Variants in CSMD3 observed in about 807,000 individuals in gnomAD.
CSMD3 encodes the protein CUB and sushi domain-containing protein 3.
In CSMD3, 177 loss-of-function variants were observed where a neutral mutation model predicts 435.2. That is an observed-to-expected ratio of 0.41 (90% CI 0.36 to 0.46). The LOEUF (loss-of-function observed/expected upper bound fraction) is 0.46, where lower values mean the gene tolerates loss of function less well. CSMD3 is among the 20% of genes least tolerant of loss of function. The pLI, the probability that CSMD3 is intolerant of heterozygous loss-of-function variation, is 0.34. For synonymous variants in CSMD3, 1,656 were observed against 1,520.5 expected, an observed-to-expected ratio of 1.09 and a Z score of -2.07; for missense variants, 4,265 against 4,504.6, an observed-to-expected ratio of 0.95 and a Z score of 1.52.
intron 3 of CSMD3, among the ~76,000 whole-genome samples, chr8:113,263,852 T>C (rs913452323): frequency 6.6e-6 from 1 of 151,860 alleles, no homozygotes; most frequent in Non-Finnish European, 1.5e-5. Flanking sequence ...TTAAAGCTGA[T>C]AGTTATTATT....
At chr8:113,108,400 C>T (rs1457863615) in intron 4 of CSMD3, among the ~76,000 whole-genome samples, 1 of 149,998 alleles carries the variant, frequency 6.7e-6, no homozygotes. Context: ...TGCATGCCAG[C>T]CTAGTGAGAG....
At chr8:113,305,539 G>A (rs919927261) in intron 2 of CSMD3, among the ~76,000 whole-genome samples, 1 of 152,078 alleles carries the variant, frequency 6.6e-6, no homozygotes, top group Non-Finnish European at 1.5e-5. Context: ...CTTGCTTATT[G>A]TCATCTTTTG....
intron 38 of CSMD3, among the ~76,000 whole-genome samples, chr8:112,379,207 C>T (rs200720559): frequency 1.1e-4 from 17 of 152,280 alleles, no homozygotes; most frequent in East Asian, 5.8e-4. Flanking sequence ...TGGTGGCTCA[C>T]GCCTGTAATC....
intron 4 of CSMD3, among the ~76,000 whole-genome samples, chr8:113,153,981 A>G (rs760060957): frequency 6.6e-6 from 1 of 152,066 alleles, no homozygotes; most frequent in African/African-American, 2.4e-5. Context: ...TCTGAAATAG[A>G]TATCAATTTC....
At chr8:113,270,635 C>T (rs2093515672) in intron 3 of CSMD3, among the ~76,000 whole-genome samples, 1 of 152,206 alleles carries the variant, frequency 6.6e-6, no homozygotes, top group Admixed American at 6.5e-5. Flanking sequence ...CCATGGAATA[C>T]TATGCAGCCA....
chr8:113,202,572 T>C (rs765933301), intron 3 of CSMD3, among the ~76,000 whole-genome samples: 1 of 152,156 alleles, frequency 6.6e-6, no homozygotes, highest in Non-Finnish European at 1.5e-5. Flanking sequence ...CTTTCTTTGA[T>C]ATTTCCTTTT....
intron 3 of CSMD3, among the ~76,000 whole-genome samples, chr8:113,216,261 G>T (rs1043389883): frequency 6.6e-6 from 1 of 151,794 alleles, no homozygotes; most frequent in Non-Finnish European, 1.5e-5. Context: ...ATCTTGATTA[G>T]TGATAAAAAG....
chr8:112,459,285 GT>G (rs571973562), intron 32 of CSMD3, among the ~76,000 whole-genome samples: 3 of 148,910 alleles, frequency 2.0e-5, no homozygotes, highest in Non-Finnish European at 3.0e-5. Context: ...TATACTTTGG[GT>G]TTTTTTTCCT....
rs142230364 is a variant in CSMD3 at position 112,764,612 on chromosome 8, T to C, written c.1972+35550A>G. On this transcript the variant is annotated intron_variant, in intron 13 of 70. Coordinates refer to ENST00000297405, the MANE Select transcript of CSMD3 (RefSeq NM_198123.2). Reference sequence around the variant, plus strand: ...TCTCTTAAAAGTAATGGCTAAGCAGTTACAATGAAATGGTTTATGAAGAGT... The same window carrying C: ...TCTCTTAAAAGTAATGGCTAAGCAGCTACAATGAAATGGTTTATGAAGAGT... Among the ~76,000 whole-genome samples the C allele has an allele frequency of 3.6e-3, 550 of 151,712 alleles. 4 individuals carry two copies. The highest frequency in any genetic ancestry group is 0.012 in the African/African-American group (482 of 41,500).
chr8:112,345,969 T>C (rs961667406), intron 41 of CSMD3, 128 bp downstream of exon 41: 12 of 730,192 alleles, frequency 1.6e-5, no homozygotes, highest in Non-Finnish European at 2.5e-5. Flanking sequence ...ATTTACATAG[T>C]TGTATGTATT....
chr8:112,705,242 C>A (rs911070163), intron 13 of CSMD3, among the ~76,000 whole-genome samples: 3 of 151,938 alleles, frequency 2.0e-5, no homozygotes, highest in African/African-American at 4.8e-5. Context: ...AGAAAGATAT[C>A]CTAGGAAGAA....
intron 9 of CSMD3, among the ~76,000 whole-genome samples, chr8:112,929,730 A>C (rs969871591): frequency 8.6e-5 from 13 of 152,006 alleles, no homozygotes; most frequent in African/African-American, 3.1e-4. Flanking sequence ...AAAAGGCAAT[A>C]AAATAAAGTG....
chr8:112,643,095 G>C lies in CSMD3; in HGVS notation c.3310+2014C>G, dbSNP rs192663252. Reference sequence around the variant, plus strand: ...ATCATGATCTAGGGATAGAGGACATGAAAAACATGGTAGTCTCAGAATGGT... The same window carrying C: ...ATCATGATCTAGGGATAGAGGACATCAAAAACATGGTAGTCTCAGAATGGT... On this transcript the variant is annotated intron_variant, in intron 20 of 70. Coordinates refer to ENST00000297405, the MANE Select transcript of CSMD3 (RefSeq NM_198123.2). 2.0e-3 allele frequency among the ~76,000 whole-genome samples: 305 copies of C among 152,014 alleles called. 3 individuals are homozygous for C. In the Middle Eastern group the frequency reaches 0.027, roughly 14 times the overall value.
At chr8:112,394,445 C>G (rs896256846) in intron 35 of CSMD3, among the ~76,000 whole-genome samples, 30 of 152,142 alleles carry the variant, frequency 2.0e-4, no homozygotes, top group African/African-American at 7.0e-4. Flanking sequence ...TATTCCCATA[C>G]TAGTTAGGAA....
chr8:112,456,918 A>G (rs1816894011), intron 32 of CSMD3, among the ~76,000 whole-genome samples: 1 of 152,158 alleles, frequency 6.6e-6, no homozygotes, highest in Non-Finnish European at 1.5e-5. Context: ...AAATACAAAC[A>G]TTAACTTATC....
chr8:112,331,340 T>C (rs1346059344), intron 45 of CSMD3, among the ~76,000 whole-genome samples: 1 of 152,160 alleles, frequency 6.6e-6, no homozygotes, highest in East Asian at 1.9e-4. Flanking sequence ...CACAAAGAGA[T>C]ACAAAAACAT....
intron 6 of CSMD3, among the ~76,000 whole-genome samples, chr8:113,002,170 C>T (rs1486231900): frequency 6.6e-6 from 1 of 152,048 alleles, no homozygotes; most frequent in Non-Finnish European, 1.5e-5. Context: ...CAAATTTCCT[C>T]GTCTAGAATT....
intron 23 of CSMD3, among the ~76,000 whole-genome samples, chr8:112,583,139 G>A (rs377216099): frequency 2.6e-5 from 4 of 152,070 alleles, no homozygotes; most frequent in East Asian, 3.9e-4. Flanking sequence ...GATTGGTTCC[G>A]GAAGTGTGAA....
intron 3 of CSMD3, among the ~76,000 whole-genome samples, chr8:113,264,797 T>G (rs2093455102): frequency 6.6e-6 from 1 of 151,734 alleles, no homozygotes; most frequent in South Asian, 2.1e-4. Flanking sequence ...TTCTAAGTGA[T>G]TAAATATAGC....
Sources: gnomAD v4.1 joint callset for allele counts (sites outside exome capture counted in the v4.1 genomes callset) on GRCh38, gnomAD v4.1.1 for gene constraint, MANE v1.5 for transcripts, NCBI Gene and HGNC (gene_info 2026-07-23, HGNC 2026-07-21) for gene names.